Variants in PLEKHH2 observed in about 807,000 individuals in gnomAD.
PLEKHH2 encodes the protein pleckstrin homology domain-containing family H member 2.
PLEKHH2 carries 129 observed loss-of-function variants against 187.9 expected under a neutral mutation model. That is an observed-to-expected ratio of 0.69 (90% CI 0.59 to 0.79). The LOEUF (loss-of-function observed/expected upper bound fraction) is 0.79, where lower values mean the gene tolerates loss of function less well. PLEKHH2 is among the 30% of genes least tolerant of loss of function. The pLI is 0.00. For missense variants in PLEKHH2, 2,076 were observed against 1,751.2 expected, an observed-to-expected ratio of 1.19 and a Z score of -3.31; for synonymous variants, 686 against 605.6, an observed-to-expected ratio of 1.13 and a Z score of -1.95.
At chr2:43,651,262 T>C (rs1666458039) in intron 2 of PLEKHH2, among the ~76,000 whole-genome samples, 1 of 152,020 alleles carries the variant, frequency 6.6e-6, no homozygotes, top group Admixed American at 6.6e-5. Context: ...AGAGATAGGG[T>C]TTCACTATCT....
Position 43,710,081 on chromosome 2 carries a change from G to T in PLEKHH2, c.2058G>T (p.Gln686His). 1 of 1,613,344 alleles carries T rather than the reference G, an allele frequency of 6.2e-7. No homozygotes were observed. Among genetic ancestry groups the T allele is most frequent in the Non-Finnish European group, 8.5e-7 (1 of 1,179,748 alleles). The change falls in exon 12 of 30, where the codon CAG (glutamine) becomes CAT (histidine). Residue 686 changes from glutamine to histidine, a missense_variant. By Grantham distance (24) the Gln-to-His change is conservative. Transcript: ENST00000282406. ...ACACGGAGTACTCACAGCCAGAGCA[G>T]AAGCTCCCAAAAACTTGCTCATCTT... ...STDTEYSQPE[Q>H]KLPKTCSSSS...
rs982318622 is a variant in PLEKHH2, at chr2:43,678,413, G to A, written c.124-450G>A. Among the ~76,000 whole-genome samples, 4 of 152,298 alleles carry A rather than the reference G, an allele frequency of 2.6e-5. No homozygotes were observed. The South Asian group carries it at 8.3e-4, about 32-fold the overall frequency. ...AGATCACGCCACTGCACTCCAGCCT[G>A]GGCACCATTGAGCACTGAGTGAACG... is the stretch of plus-strand genomic sequence containing the variant. On this transcript the variant is annotated intron_variant, in intron 2 of 29. Transcript: ENST00000282406.
At chr2:43,722,078 C>A (rs565373177) in intron 16 of PLEKHH2, among the ~76,000 whole-genome samples, 2 of 150,478 alleles carry the variant, frequency 1.3e-5, no homozygotes, top group Non-Finnish European at 3.0e-5. Flanking sequence ...ATAGCAAAAC[C>A]TAGTCTCTAC....
chr2:43,734,325 A>C (rs1226927639), intron 19 of PLEKHH2, among the ~76,000 whole-genome samples: 1 of 152,228 alleles, frequency 6.6e-6, no homozygotes, highest in African/African-American at 2.4e-5. Flanking sequence ...AATGCAGCAA[A>C]GATTGAACAA....
At chr2:43,649,848 G>T (rs1003317025) in intron 2 of PLEKHH2, among the ~76,000 whole-genome samples, 3 of 152,164 alleles carry the variant, frequency 2.0e-5, no homozygotes. Flanking sequence ...ATCAGTGGGT[G>T]TGAAGGTCCT....
chr2:43,751,065 C>A (rs1558618775), intron 24 of PLEKHH2, among the ~76,000 whole-genome samples: 1 of 152,158 alleles, frequency 6.6e-6, no homozygotes, highest in South Asian at 2.1e-4. Flanking sequence ...CCTCAGGTAC[C>A]CTGTATGTGA....
At chr2:43,728,291 C>G (rs1399518243) in intron 17 of PLEKHH2, among the ~76,000 whole-genome samples, 1 of 151,698 alleles carries the variant, frequency 6.6e-6, no homozygotes, top group Non-Finnish European at 1.5e-5. Context: ...CCAGCCTGGC[C>G]AATGTGGTGA....
chr2:43,743,028 A>G, intron 22 of PLEKHH2, 110 bp downstream of exon 22: 2 of 785,270 alleles, frequency 2.5e-6, no homozygotes, highest in Non-Finnish European at 3.7e-6. Context: ...AGTGACAAAC[A>G]TGCAAATATA....
Position 43,765,448 on chromosome 2 carries a change from A to G in PLEKHH2, c.4332A>G (p.Ile1444Met), listed in dbSNP as rs780615947. 1 of 1,614,114 alleles carries G rather than the reference A, an allele frequency of 6.2e-7. No homozygotes were observed. The highest frequency in any genetic ancestry group is 1.1e-5 in the South Asian group (1 of 91,074). ...LEITLLIASYINNFHQQKAAF... is the reference protein window; with the variant it reads ...LEITLLIASYMNNFHQQKAAF... ...TCACTCTTTTGATCGCCAGTTACAT[A>G]AACAACTTCCATCAGCAAAAGGCAG... Residue 1444 changes from isoleucine (I) to methionine (M), a missense_variant, in exon 30 of 30, where the codon ATA becomes ATG. Physicochemically the swap from Ile to Met is conservative, Grantham distance 10 (BLOSUM62 1). Transcript: ENST00000282406.
At chr2:43,668,824 T>C (rs951293092) in intron 2 of PLEKHH2, among the ~76,000 whole-genome samples, 2 of 152,106 alleles carry the variant, frequency 1.3e-5, no homozygotes, top group African/African-American at 4.8e-5. Context: ...ACAACAATAA[T>C]AAAACAACTC....
chr2:43,700,393 A>C lies in PLEKHH2; in HGVS notation c.1435A>C (p.Ile479Leu). The change falls in exon 8 of 30, where the codon ATA becomes CTA. Residue 479 changes from isoleucine (I) to leucine (L), a missense_variant. Ile to Leu is a conservative substitution (Grantham distance 5). Transcript: ENST00000282406. Reference sequence around the variant, plus strand: ...TACAAATAGAAACGCTATAAGCATGATACGACCACTGAGACCTCAGGAAAC... The same window carrying C: ...TACAAATAGAAACGCTATAAGCATGCTACGACCACTGAGACCTCAGGAAAC... ...FGTNRNAISM[I>L]RPLRPQETDL... The C allele has an allele frequency of 6.2e-7, 1 of 1,614,176 alleles. No individual in the cohort carries two copies. The highest frequency in any genetic ancestry group is 1.1e-5 in the South Asian group (1 of 91,078).
rs1180049893 is a variant in PLEKHH2, at chr2:43,709,982, T to A, written c.1967-8T>A. The A allele has an allele frequency of 6.3e-7, 1 of 1,597,658 alleles. No individual in the cohort carries two copies. The highest frequency in any genetic ancestry group is 2.2e-5 in the East Asian group (1 of 44,808). On this transcript the variant is annotated splice_region_variant and splice_polypyrimidine_tract_variant and intron_variant, in intron 11 of 29. Coordinates refer to ENST00000282406, the MANE Select transcript of PLEKHH2 (RefSeq NM_172069.4). ...ATACTGACTTGATTTCTTTCTTTGT[T>A]CTCTTAGGTGTGTCTCTCTCCTCTG...
rs758305977 is a variant in PLEKHH2 at position 43,675,437 on chromosome 2, A to G, written c.124-3426A>G. The G allele has an allele frequency of 6.2e-7, 1 of 1,610,676 alleles. No homozygotes were observed. The highest frequency in any genetic ancestry group is 1.7e-5 in the Admixed American group (1 of 59,252). On this transcript the variant is annotated intron_variant, in intron 2 of 29. Coordinates refer to ENST00000282406, the MANE Select transcript of PLEKHH2 (RefSeq NM_172069.4). ...AGTGTGTCATTGAAATAGTGTCCAA[A>G]TGCCCTGAGCCGGTACAGGCCATAC...
Position 43,743,864 on chromosome 2 carries a change from G to A in PLEKHH2, c.3430G>A (p.Glu1144Lys), listed in dbSNP as rs199818249. 3 of 1,613,904 alleles carry A rather than the reference G, an allele frequency of 1.9e-6. No homozygotes were observed. Among genetic ancestry groups the A allele is most frequent in the Non-Finnish European group, 2.5e-6 (3 of 1,179,946 alleles). Residue 1144 changes from glutamate to lysine, a missense_variant, in exon 23 of 30, where the codon GAA becomes AAA. Coordinates refer to ENST00000282406, the MANE Select transcript of PLEKHH2 (RefSeq NM_172069.4). ...TGGTTTTGACGCATCTACCACAGTG[G>A]AAGAATTTTTGAATACTTTGAACCA... is the stretch of plus-strand genomic sequence containing the variant. ...VVGFDASTTV[E>K]EFLNTLNQDT...
chr2:43,686,148 C>T (rs1186297605), intron 3 of PLEKHH2, among the ~76,000 whole-genome samples: 1 of 147,606 alleles, frequency 6.8e-6, no homozygotes, highest in Non-Finnish European at 1.5e-5. Context: ...TCTTTTTCTT[C>T]TTCCTTCTTC....
intron 3 of PLEKHH2, among the ~76,000 whole-genome samples, chr2:43,684,357 C>T (rs1668388866): frequency 1.3e-5 from 2 of 151,970 alleles, no homozygotes; most frequent in Non-Finnish European, 2.9e-5. Context: ...TTTCCCTTCC[C>T]TTCCTTTCTC....
At position 43,710,230 on chromosome 2, in the gene PLEKHH2, A is replaced by G; in HGVS notation, c.2114A>G (p.Glu705Gly). ...SSDNGKNEPLEKSGYLLKMSG... is the reference protein window; with the variant it reads ...SSDNGKNEPLGKSGYLLKMSG... The stretch of plus-strand genomic sequence containing the variant: ...TCTTTTAAAAATTAGGAACCACTGG[A>G]AAAATCTGGTTATTTATTAAAAATG... Residue 705 changes from glutamate (E) to glycine (G), a missense_variant, in exon 13 of 30, where the codon GAA becomes GGA. Transcript: ENST00000282406. 6.2e-7 allele frequency: 1 copy of G among 1,614,018 alleles called. No homozygotes were observed. Among genetic ancestry groups the G allele is most frequent in the Non-Finnish European group, 8.5e-7 (1 of 1,179,944 alleles).
At chr2:43,699,326 G>T (rs7592384) in intron 7 of PLEKHH2, among the ~76,000 whole-genome samples, 82,685 of 151,950 alleles carry the variant, frequency 0.54, 23,081 homozygotes, top group Middle Eastern at 0.62. Context: ...GTTTAAAAAA[G>T]ACATAAGACT....
At chr2:43,695,463 A>T (rs771431320) in intron 6 of PLEKHH2, among the ~76,000 whole-genome samples, 3 of 152,230 alleles carry the variant, frequency 2.0e-5, no homozygotes, top group Non-Finnish European at 4.4e-5. Flanking sequence ...TACGTAGATC[A>T]GAAAAACATG....
Sources: allele counts gnomAD v4.1 joint callset (sites outside exome capture counted in the v4.1 genomes callset), GRCh38; gene constraint gnomAD v4.1.1; transcripts MANE v1.5; gene names NCBI Gene and HGNC (gene_info 2026-07-23, HGNC 2026-07-21).